The following RASGRF2 variants were observed in gnomAD, a reference collection of about 807,000 sequenced individuals.
RASGRF2 encodes Ras protein specific guanine nucleotide releasing factor 2, also known as ras-specific guanine nucleotide-releasing factor 2.
A neutral mutation model predicts 151.0 loss-of-function variants in RASGRF2; 76 were observed. The observed-to-expected ratio is 0.50, with a 90% CI of 0.42 to 0.61. The LOEUF (loss-of-function observed/expected upper bound fraction) is 0.61. RASGRF2 is among the 20% of genes least tolerant of loss of function. The pLI is 0.00. For synonymous variants in RASGRF2, 504 were observed against 566.5 expected (o/e 0.89, Z 1.57); for missense variants, 1,148 against 1,564.6 (o/e 0.73, Z 4.49).
intron 14 of RASGRF2, 183 bp from the exon 15 acceptor site, chr5:81,113,355 T>A: frequency 1.4e-6 from 1 of 697,604 alleles, no homozygotes; most frequent in Non-Finnish European, 2.4e-6. Flanking sequence ...CGATGCCTAA[T>A]AAGTGTCTGT....
intron 1 of RASGRF2, among the ~76,000 whole-genome samples, chr5:80,980,902 G>C (rs185400917): frequency 1.3e-5 from 2 of 152,130 alleles, no homozygotes; most frequent in African/African-American, 2.4e-5. Flanking sequence ...AGAGAAATGG[G>C]ATTCTTCCAG....
Position 81,109,190 on chromosome 5 carries a change from T to A in RASGRF2, c.1838+112T>A, listed in dbSNP as rs1237288835. On this transcript the variant is annotated intron_variant, in intron 13 of 26. Coordinates refer to ENST00000265080, the MANE Select transcript of RASGRF2 (RefSeq NM_006909.3). ...AGAATTCTGCTTCTTGTTGAGAATA[T>A]GTTTCTTGACAGGAATGCAGTGATT... The A allele has an allele frequency of 2.1e-6, 3 of 1,434,358 alleles. No individual in the cohort carries two copies. In the Admixed American group the frequency reaches 7.6e-5, roughly 37 times the overall value. 88.9% of individuals were successfully genotyped at this position (1,434,358 alleles called of 1,614,324 possible).
intron 17 of RASGRF2, among the ~76,000 whole-genome samples, chr5:81,145,024 C>G (rs1241969634): frequency 6.6e-6 from 1 of 152,124 alleles, no homozygotes; most frequent in Non-Finnish European, 1.5e-5. Flanking sequence ...GGGAGGATCA[C>G]CTGAGGTCAG....
At chr5:81,135,123 A>C (rs141865833) in intron 17 of RASGRF2, among the ~76,000 whole-genome samples, 132 of 150,142 alleles carry the variant, frequency 8.8e-4, no homozygotes, top group Admixed American at 3.1e-3. Context: ...CCTGGGCAAC[A>C]TAGTAAAACC....
Position 81,225,846 on chromosome 5 carries a change from T to TCACGGTACAG in RASGRF2, c.*81_*90dup. 8 of 1,496,718 alleles carry TCACGGTACAG rather than the reference T, an allele frequency of 5.3e-6. No individual in the cohort carries two copies. The highest frequency in any genetic ancestry group is 7.2e-6 in the Non-Finnish European group (8 of 1,105,484). The allele number at this position is 1,496,718 out of a possible 1,614,324, so 92.7% of individuals were successfully genotyped here. ...GACAGAATTGTGTATGCCTTGCCTA[T>TCACGGTACAG]CACGGTACAGCACGAAGCCAGGCTC... On this transcript the variant is annotated 3_prime_UTR_variant, in exon 27 of 27. Transcript: ENST00000265080.
intron 1 of RASGRF2, among the ~76,000 whole-genome samples, chr5:80,969,641 C>G: frequency 6.7e-6 from 1 of 149,814 alleles, no homozygotes; most frequent in East Asian, 2.0e-4. Flanking sequence ...TTAGTAGAGA[C>G]GGGGTTTCAC....
intron 1 of RASGRF2, among the ~76,000 whole-genome samples, chr5:81,004,937 CA>C (rs947457697): frequency 3.9e-5 from 6 of 152,284 alleles, no homozygotes; most frequent in Middle Eastern, 6.8e-3. Context: ...TTTTCAGCTG[CA>C]CCTGTCACCA....
chr5:81,009,373 C>T (rs1749381256), intron 1 of RASGRF2, among the ~76,000 whole-genome samples: 1 of 152,142 alleles, frequency 6.6e-6, no homozygotes, highest in South Asian at 2.1e-4. Flanking sequence ...CCATCAACTG[C>T]CTAGAATGTC....
intron 2 of RASGRF2, among the ~76,000 whole-genome samples, chr5:81,050,904 G>A (rs1240206649): frequency 3.3e-5 from 5 of 152,210 alleles, no homozygotes; most frequent in South Asian, 2.1e-4. Context: ...TTTCAGAAAT[G>A]CATGTACTGA....
Position 81,091,384 on chromosome 5 carries a change from C to A in RASGRF2, c.1391-1417C>A, listed in dbSNP as rs189949622. 5.9e-5 allele frequency among the ~76,000 whole-genome samples: 9 copies of A among 152,254 alleles called. No homozygotes were observed. The East Asian group carries it at 1.7e-3, about 29-fold the overall frequency. ...TTCATTCACTCTCCTCTTGCCCATCCCTTCGTGGGAGTCAAGCCGTCTCCT... is the reference window on the plus strand; with the variant it reads ...TTCATTCACTCTCCTCTTGCCCATCACTTCGTGGGAGTCAAGCCGTCTCCT... On this transcript the variant is annotated intron_variant, in intron 9 of 26. Transcript: ENST00000265080.
At chr5:81,214,547 A>T (rs963517371) in intron 23 of RASGRF2, among the ~76,000 whole-genome samples, 5 of 152,214 alleles carry the variant, frequency 3.3e-5, no homozygotes, top group Non-Finnish European at 7.3e-5. Flanking sequence ...TGTACTTTTG[A>T]AACTTTTTTG....
chr5:81,132,548 C>T (rs1300287797), intron 17 of RASGRF2, among the ~76,000 whole-genome samples: 2 of 152,144 alleles, frequency 1.3e-5, no homozygotes, highest in African/African-American at 4.8e-5. Context: ...AAATAAGCCT[C>T]ATTGTCTTGT....
intron 1 of RASGRF2, among the ~76,000 whole-genome samples, chr5:80,996,360 G>A (rs139215297): frequency 1.5e-3 from 221 of 151,592 alleles, no homozygotes; most frequent in Middle Eastern, 3.4e-3. Flanking sequence ...TTTTGTTTCC[G>A]TTCTGTATAC....
chr5:81,023,986 G>A (rs1301669397), intron 1 of RASGRF2, among the ~76,000 whole-genome samples: 4 of 152,124 alleles, frequency 2.6e-5, no homozygotes, highest in African/African-American at 7.2e-5. Context: ...ATTCCCAGTT[G>A]TCTTTTCGTA....
intron 17 of RASGRF2, among the ~76,000 whole-genome samples, chr5:81,155,034 G>A (rs1455414430): frequency 6.6e-6 from 1 of 152,124 alleles, no homozygotes; most frequent in African/African-American, 2.4e-5. Flanking sequence ...CTGATGATTA[G>A]TGATATTGAG....
chr5:81,065,097 C>A (rs1430670445), intron 2 of RASGRF2, among the ~76,000 whole-genome samples: 1 of 152,118 alleles, frequency 6.6e-6, no homozygotes, highest in Non-Finnish European at 1.5e-5. Context: ...CCCAGTCAAG[C>A]CTCAAGATGA....
At chr5:81,208,501 G>T in intron 22 of RASGRF2, 63 bp downstream of exon 22, 3 of 893,550 alleles carry the variant, frequency 3.4e-6, no homozygotes, top group South Asian at 1.4e-5. Context: ...GGGGTCTAAA[G>T]ACTCCTCTAA....
intron 1 of RASGRF2, among the ~76,000 whole-genome samples, chr5:80,985,044 T>C (rs970369034): frequency 5.3e-5 from 8 of 152,038 alleles, no homozygotes; most frequent in African/African-American, 1.9e-4. Flanking sequence ...ACCCCATCTC[T>C]ACAAAAAATA....
At chr5:81,000,818 G>T (rs1242204496) in intron 1 of RASGRF2, among the ~76,000 whole-genome samples, 1 of 152,122 alleles carries the variant, frequency 6.6e-6, no homozygotes, top group East Asian at 1.9e-4. Context: ...GTTCAATCTG[G>T]ATTTCTTCAG....
Sources: gnomAD v4.1 joint callset for allele counts (sites outside exome capture counted in the v4.1 genomes callset) on GRCh38, gnomAD v4.1.1 for gene constraint, MANE v1.5 for transcripts, NCBI Gene and HGNC (gene_info 2026-07-23, HGNC 2026-07-21) for gene names.